Variants in PTGES3 observed in about 807,000 individuals in gnomAD.
PTGES3 encodes the protein Hsp90 co-chaperone.
Under a neutral mutation model 29.9 loss-of-function variants are expected in PTGES3, and 5 were observed. The ratio of observed to expected loss-of-function variants is 0.17; its 90% CI spans 0.09 to 0.35. The LOEUF (loss-of-function observed/expected upper bound fraction) is 0.35. Among genes scored for constraint, PTGES3 ranks in the 10% least tolerant of loss-of-function variants. PTGES3 has a pLI of 1.00. For missense variants in PTGES3, 128 were observed against 190.0 expected (o/e 0.67, Z 1.92); for synonymous variants, 49 against 57.8 (o/e 0.85, Z 0.69).
In PTGES3 at chr12:56,664,356, G is replaced by C. The variant is rs1461888019; in HGVS notation, c.*123C>G. 8.7e-7 allele frequency: 1 copy of C among 1,148,282 alleles called. No homozygotes were observed. Among genetic ancestry groups the C allele is most frequent in the African/African-American group, 1.6e-5 (1 of 63,876 alleles). 71.1% of individuals were successfully genotyped at this position (1,148,282 alleles called of 1,614,324 possible). A position where few individuals can be genotyped will look rare whatever the true frequency, so the allele number is the denominator to read the frequency against. ...TAAAAAACAAACAGGTTGAAAAATG[G>C]GTTAAAGTAGGCAAATACAGCATAT... On this transcript the variant is annotated 3_prime_UTR_variant, in exon 8 of 8. Coordinates refer to ENST00000262033, the MANE Select transcript of PTGES3 (RefSeq NM_006601.7).
At chr12:56,686,929 G>GA (rs1337864638) in intron 1 of PTGES3, 24 of 194,294 alleles carry the variant, frequency 1.2e-4, no homozygotes, top group Non-Finnish European at 1.7e-4. Flanking sequence ...TAAAACAAAA[G>GA]AAAAAAAAGG....
intron 3 of PTGES3, 122 bp from the exon 4 acceptor site, chr12:56,671,969 G>T (rs1952022118): frequency 3.9e-6 from 2 of 514,818 alleles, no homozygotes; most frequent in Non-Finnish European, 6.5e-6. Context: ...TCTGAAACAT[G>T]CCCTTGACTA....
At chr12:56,685,099 G>A (rs1952760470) in intron 1 of PTGES3, among the ~76,000 whole-genome samples, 1 of 100,822 alleles carries the variant, frequency 9.9e-6, no homozygotes, top group Non-Finnish European at 2.4e-5. Flanking sequence ...GGAAGACCCT[G>A]TCTCCAAAAA....
chr12:56,671,837 T>C lies in PTGES3; in HGVS notation c.197A>G (p.His66Arg), dbSNP rs1952017652. 1.3e-6 allele frequency: 2 copies of C among 1,548,030 alleles called. No homozygotes were observed. Among genetic ancestry groups the C allele is most frequent in the Non-Finnish European group, 1.7e-6 (2 of 1,143,004 alleles). Residue 66 changes from histidine to arginine, a missense_variant, in exon 4 of 8, where the codon CAT becomes CGT. Transcript: ENST00000262033. ...TAAAATTGATCTGTCCGTTCTTTTA[T>C]GCTTGGAATCCTAAAAACAAAAGGA... is the stretch of plus-strand genomic sequence containing the variant. ...FHCIDPNDSK[H>R]KRTDRSILCC...
At chr12:56,686,209 G>C (rs751120997) in intron 1 of PTGES3, among the ~76,000 whole-genome samples, 4 of 152,108 alleles carry the variant, frequency 2.6e-5, no homozygotes, top group Non-Finnish European at 5.9e-5. Context: ...TTCGCGAAAA[G>C]ATATGTTGTT....
chr12:56,679,524 A>G (rs1341083703), intron 1 of PTGES3, among the ~76,000 whole-genome samples: 1 of 151,898 alleles, frequency 6.6e-6, no homozygotes, highest in African/African-American at 2.4e-5. Context: ...TTGAATCTAT[A>G]GGGATATTAC....
At chr12:56,683,971 A>C (rs963000365) in intron 1 of PTGES3, among the ~76,000 whole-genome samples, 11 of 145,154 alleles carry the variant, frequency 7.6e-5, no homozygotes, top group East Asian at 3.9e-4. Context: ...AAAAAAAAAA[A>C]CAAAAAAAAC....
intron 3 of PTGES3, among the ~76,000 whole-genome samples, chr12:56,672,328 T>C (rs1345522476): frequency 6.6e-6 from 1 of 151,950 alleles, no homozygotes; most frequent in Admixed American, 6.6e-5. Flanking sequence ...ACATGGTCTT[T>C]ACTAAAAACA....
At chr12:56,683,971 A>AC (rs1478940122) in intron 1 of PTGES3, among the ~76,000 whole-genome samples, 2 of 145,154 alleles carry the variant, frequency 1.4e-5, no homozygotes, top group Admixed American at 6.9e-5. Context: ...AAAAAAAAAA[A>AC]CAAAAAAAAC....
chr12:56,668,966 CT>C (rs1374664283), intron 5 of PTGES3, among the ~76,000 whole-genome samples: 1 of 148,002 alleles, frequency 6.8e-6, no homozygotes, highest in Admixed American at 6.7e-5. Context: ...CTTTCTTAAA[CT>C]TTTTTCCTTG....
intron 4 of PTGES3, chr12:56,670,798 T>C (rs988246969): frequency 5.8e-6 from 1 of 172,740 alleles, no homozygotes; most frequent in Non-Finnish European, 1.3e-5. Flanking sequence ...GGCATGTAAT[T>C]AGCACACAAA....
intron 1 of PTGES3, among the ~76,000 whole-genome samples, chr12:56,680,718 T>C (rs1192647834): frequency 2.0e-5 from 3 of 151,970 alleles, no homozygotes; most frequent in Non-Finnish European, 4.4e-5. Flanking sequence ...CATATGTGTT[T>C]ATTCCTGATT....
chr12:56,667,171 C>T (rs550188520), intron 5 of PTGES3, among the ~76,000 whole-genome samples: 19 of 147,910 alleles, frequency 1.3e-4, no homozygotes, highest in African/African-American at 4.3e-4. Context: ...CCCCTTGCCT[C>T]GGCCTCCCAA....
intron 1 of PTGES3, among the ~76,000 whole-genome samples, chr12:56,677,317 T>TA (rs981757625): frequency 3.9e-5 from 6 of 152,050 alleles, no homozygotes; most frequent in Non-Finnish European, 7.4e-5. Context: ...CTTTGTATCT[T>TA]AGAGTGGAAA....
chr12:56,666,084 T>A (rs1951774366), intron 6 of PTGES3, 120 bp downstream of exon 6: 19 of 1,402,834 alleles, frequency 1.4e-5, no homozygotes, highest in Non-Finnish European at 1.8e-5. Flanking sequence ...GCTTTTCCCT[T>A]TTCTTTTTTT....
At chr12:56,672,839 C>T (rs1275705734) in intron 2 of PTGES3, 30 bp from the exon 3 acceptor site, 6 of 1,555,760 alleles carry the variant, frequency 3.9e-6, no homozygotes, top group Non-Finnish European at 5.2e-6. Flanking sequence ...AAGAATTAAG[C>T]CTCTTCAAAG....
At chr12:56,676,125 CTGGGAG>C (rs1286799398) in intron 1 of PTGES3, among the ~76,000 whole-genome samples, 1 of 109,352 alleles carries the variant, frequency 9.1e-6, no homozygotes, top group African/African-American at 4.2e-5. Flanking sequence ...ATTTGGGAGG[CTGGGAG>C]GGGGAGGGGG....
At chr12:56,673,563 G>A (rs1478052783) in intron 1 of PTGES3, among the ~76,000 whole-genome samples, 2 of 150,786 alleles carry the variant, frequency 1.3e-5, no homozygotes, top group African/African-American at 2.4e-5. Flanking sequence ...GGAGGCTGAG[G>A]TGGGTGGATC....
intron 1 of PTGES3, among the ~76,000 whole-genome samples, chr12:56,685,104 C>A (rs202221303): frequency 1.3e-5 from 2 of 151,180 alleles, no homozygotes; most frequent in Non-Finnish European, 1.5e-5. Context: ...ACCCTGTCTC[C>A]AAAAAAAACA....
Sources: gnomAD v4.1 joint callset for allele counts (sites outside exome capture counted in the v4.1 genomes callset) on GRCh38, gnomAD v4.1.1 for gene constraint, MANE v1.5 for transcripts, NCBI Gene and HGNC (gene_info 2026-07-23, HGNC 2026-07-21) for gene names.